RFTN1: variants seen among roughly 807,000 people sequenced by gnomAD.
RFTN1 encodes raftlin, lipid raft linker 1.
A neutral mutation model predicts 46.5 loss-of-function variants in RFTN1; 26 were observed. The ratio of observed to expected loss-of-function variants is 0.56; its 90% CI spans 0.41 to 0.78. The LOEUF (loss-of-function observed/expected upper bound fraction) is 0.78, where lower values mean the gene tolerates loss of function less well. Ranked by LOEUF, RFTN1 falls within the 30% of genes least tolerant of loss-of-function variation. RFTN1 has a pLI of 0.00. For synonymous variants in RFTN1, 261 were observed against 284.2 expected (o/e 0.92, Z 0.82); for missense variants, 693 against 718.7 (o/e 0.96, Z 0.41).
Position 16,489,514 on chromosome 3 carries a change from C to T in RFTN1, c.145+4211G>A, listed in dbSNP as rs1313019411. ...AAACTTCTGGGGCAATGGAAATGTTCTGCATCTTGATGTGATGAGGGTTTT... is the reference window on the plus strand; with the variant it reads ...AAACTTCTGGGGCAATGGAAATGTTTTGCATCTTGATGTGATGAGGGTTTT... On this transcript the variant is annotated intron_variant, in intron 2 of 9. Transcript: ENST00000334133. This position sits in a 1 kb window ranked among gnomAD's most constrained non-coding sequence, Gnocchi z 4.0. 1.3e-5 allele frequency among the ~76,000 whole-genome samples: 2 copies of T among 152,202 alleles called. No individual in the cohort carries two copies. The highest frequency in any genetic ancestry group is 4.8e-5 in the African/African-American group (2 of 41,454).
At chr3:16,368,425 A>G (rs896463336) in intron 6 of RFTN1, among the ~76,000 whole-genome samples, 4 of 152,206 alleles carry the variant, frequency 2.6e-5, no homozygotes, top group Non-Finnish European at 4.4e-5. Context: ...TAATCCCAGC[A>G]CTTTGGGAGG....
chr3:16,377,856 C>G lies in RFTN1; in HGVS notation c.688G>C (p.Glu230Gln). Residue 230 changes from glutamate (E) to glutamine (Q), a missense_variant, in exon 5 of 10, where the codon GAG becomes CAG. Physicochemically the swap from Glu to Gln is conservative, Grantham distance 29 (BLOSUM62 2). Coordinates refer to ENST00000334133, the MANE Select transcript of RFTN1 (RefSeq NM_015150.2). ...SPEPSSGPRG[E>Q]VPLAKQPSSP... is the part of the protein sequence containing the mutation. ...CTGGGCTGCTTGGCGAGGGGCACCTCCCCTCTGGGGCCTGAGCTGGGCTCT... is the reference window on the plus strand; with the variant it reads ...CTGGGCTGCTTGGCGAGGGGCACCTGCCCTCTGGGGCCTGAGCTGGGCTCT... The G allele has an allele frequency of 6.2e-7, 1 of 1,614,220 alleles. No individual in the cohort carries two copies. Among genetic ancestry groups the G allele is most frequent in the Non-Finnish European group, 8.5e-7 (1 of 1,180,042 alleles).
intron 7 of RFTN1, among the ~76,000 whole-genome samples, chr3:16,333,578 A>G (rs1385552498): frequency 1.3e-5 from 2 of 152,232 alleles, no homozygotes; most frequent in Non-Finnish European, 2.9e-5. Context: ...TTATTATTTT[A>G]ATGTTTAAAG....
chr3:16,430,104 G>GTT (rs367602281), intron 3 of RFTN1, among the ~76,000 whole-genome samples: 21 of 129,960 alleles, frequency 1.6e-4, no homozygotes, highest in Admixed American at 1.5e-3. Context: ...GAAAAAGTCC[G>GTT]TTTTTTTTTT....
Position 16,322,686 on chromosome 3 carries a change from G to T in RFTN1, c.1332+690C>A, listed in dbSNP as rs2069206681. 6.6e-6 allele frequency among the ~76,000 whole-genome samples: 1 copy of T among 152,212 alleles called. No individual in the cohort carries two copies. The highest frequency in any genetic ancestry group is 1.5e-5 in the Non-Finnish European group (1 of 68,048). ...TCTGGCACAAGGGTTGCCGACACTT[G>T]CACCTCGTACAGCCCTTGTGCTCAA... On this transcript the variant is annotated intron_variant, in intron 9 of 9. Coordinates refer to ENST00000334133, the MANE Select transcript of RFTN1 (RefSeq NM_015150.2). The surrounding 1 kb of genome is among the most constrained non-coding windows in gnomAD (Gnocchi z 6.2).
chr3:16,389,127 G>A (rs1403419954), intron 4 of RFTN1, among the ~76,000 whole-genome samples: 2 of 152,136 alleles, frequency 1.3e-5, no homozygotes, highest in African/African-American at 4.8e-5. Flanking sequence ...GATTTACATA[G>A]GCTTCCAAAG....
chr3:16,347,290 A>G (rs148436645), intron 7 of RFTN1, among the ~76,000 whole-genome samples: 4,552 of 152,332 alleles, frequency 0.03, 98 homozygotes, highest in Middle Eastern at 0.082. Flanking sequence ...TGCATGTTAT[A>G]TCCATTTTCT....
rs1341541371 is a variant in RFTN1 at position 16,452,556 on chromosome 3, A to G, written c.146-18519T>C. On this transcript the variant is annotated intron_variant, in intron 2 of 9. Transcript: ENST00000334133. This position sits in a 1 kb window ranked among gnomAD's most constrained non-coding sequence, Gnocchi z 6.3. ...TTTTCAATGAATTCACTGTGAAAAC[A>G]CAATCAGTTTTGTGTTTTAAGCTAA... Among the ~76,000 whole-genome samples, 1 of 152,266 alleles carries G rather than the reference A, an allele frequency of 6.6e-6. No individual in the cohort carries two copies. Among genetic ancestry groups the G allele is most frequent in the African/African-American group, 2.4e-5 (1 of 41,470 alleles).
intron 5 of RFTN1, among the ~76,000 whole-genome samples, chr3:16,372,352 A>C (rs1424092143): frequency 6.6e-6 from 1 of 152,192 alleles, no homozygotes; most frequent in Non-Finnish European, 1.5e-5. Context: ...ATCCCCATAA[A>C]TTGAAGGTCA....
intron 9 of RFTN1, among the ~76,000 whole-genome samples, chr3:16,319,053 C>T (rs910772026): frequency 2.0e-5 from 3 of 152,162 alleles, no homozygotes; most frequent in Admixed American, 6.5e-5. Flanking sequence ...TTCCAGGCAC[C>T]GTGTTATGGT....
chr3:16,362,954 G>T (rs1394348842), intron 6 of RFTN1, among the ~76,000 whole-genome samples: 1 of 152,082 alleles, frequency 6.6e-6, no homozygotes, highest in Non-Finnish European at 1.5e-5. Flanking sequence ...GGAAAGCTAC[G>T]GCTAGCTTGA....
rs1470492586 is a variant in RFTN1 at position 16,459,328 on chromosome 3, A to G, written c.146-25291T>C. ...CAGACACCTAAACTCTTACATGAAG[A>G]GTTATGTGCCCTAGTAGAAAACTAT... On this transcript the variant is annotated intron_variant, in intron 2 of 9. Coordinates refer to ENST00000334133, the MANE Select transcript of RFTN1 (RefSeq NM_015150.2). This position sits in a 1 kb window ranked among gnomAD's most constrained non-coding sequence, Gnocchi z 4.2. Among the ~76,000 whole-genome samples the G allele has an allele frequency of 6.6e-6, 1 of 152,226 alleles. No homozygotes were observed. Among genetic ancestry groups the G allele is most frequent in the Non-Finnish European group, 1.5e-5 (1 of 68,042 alleles).
At position 16,356,493 on chromosome 3, in the gene RFTN1, G is replaced by GC. The variant is rs35477897; in HGVS notation, c.1146+1438dup. ...CTCATCCCTGTTCAGACGCAGGTAT[G>GC]CCCCCCAACAGCCTTGCTCCTCACT... On this transcript the variant is annotated intron_variant, in intron 7 of 9. Coordinates refer to ENST00000334133, the MANE Select transcript of RFTN1 (RefSeq NM_015150.2). The surrounding 1 kb of genome is among the most constrained non-coding windows in gnomAD (Gnocchi z 4.9). 1.3e-5 allele frequency among the ~76,000 whole-genome samples: 2 copies of GC among 151,886 alleles called. No homozygotes were observed. Among genetic ancestry groups the GC allele is most frequent in the African/African-American group, 4.8e-5 (2 of 41,382 alleles).
At position 16,442,913 on chromosome 3, in the gene RFTN1, C is replaced by A. The variant is rs935583141; in HGVS notation, c.146-8876G>T. Among the ~76,000 whole-genome samples the A allele has an allele frequency of 7.2e-5, 11 of 152,314 alleles. No homozygotes were observed. In the South Asian group the frequency reaches 1.2e-3, roughly 17 times the overall value. On this transcript the variant is annotated intron_variant, in intron 2 of 9. Coordinates refer to ENST00000334133, the MANE Select transcript of RFTN1 (RefSeq NM_015150.2). This position sits in a 1 kb window ranked among gnomAD's most constrained non-coding sequence, Gnocchi z 4.1. Reference sequence around the variant, plus strand: ...CATGCTGTTGTAAATGGAGGATCATCTTCTTTTTTAAGGCTGAATAATACT... The same window carrying A: ...CATGCTGTTGTAAATGGAGGATCATATTCTTTTTTAAGGCTGAATAATACT...
intron 2 of RFTN1, among the ~76,000 whole-genome samples, chr3:16,444,723 C>A (rs2075695781): frequency 1.3e-5 from 2 of 152,188 alleles, no homozygotes; most frequent in South Asian, 2.1e-4. Flanking sequence ...AAGCACTTGG[C>A]GAGCCCACCA....
chr3:16,368,439 A>T (rs1283731306), intron 6 of RFTN1, among the ~76,000 whole-genome samples: 1 of 152,244 alleles, frequency 6.6e-6, no homozygotes, highest in African/African-American at 2.4e-5. Flanking sequence ...TGGGAGGCCA[A>T]GGCGGGTGGA....
rs2075177636 is a variant in RFTN1 at position 16,421,244 on chromosome 3, T to C, written c.333-11761A>G. ...GGCAAAATATACACTTGAAATGAGA[T>C]TCATTGTTAACATAATGGAACTATA... is the stretch of plus-strand genomic sequence containing the variant. On this transcript the variant is annotated intron_variant, in intron 3 of 9. Transcript: ENST00000334133. This position sits in a 1 kb window ranked among gnomAD's most constrained non-coding sequence, Gnocchi z 4.6. Among the ~76,000 whole-genome samples the C allele has an allele frequency of 6.6e-6, 1 of 152,134 alleles. No homozygotes were observed. The highest frequency in any genetic ancestry group is 6.5e-5 in the Admixed American group (1 of 15,272).
rs1224527810 is a variant in RFTN1, at chr3:16,457,359, C to A, written c.146-23322G>T. The stretch of plus-strand genomic sequence containing the variant: ...AAGTGACCTTGCATGAGTTCTTAAT[C>A]TTCCTCCAAGTATAAAAAGGAAGAA... On this transcript the variant is annotated intron_variant, in intron 2 of 9. Transcript: ENST00000334133. This position sits in a 1 kb window ranked among gnomAD's most constrained non-coding sequence, Gnocchi z 4.2. Among the ~76,000 whole-genome samples, 1 of 152,220 alleles carries A rather than the reference C, an allele frequency of 6.6e-6. No individual in the cohort carries two copies. The highest frequency in any genetic ancestry group is 2.4e-5 in the African/African-American group (1 of 41,458).
intron 2 of RFTN1, among the ~76,000 whole-genome samples, chr3:16,461,363 G>A (rs959669017): frequency 4.6e-5 from 7 of 152,044 alleles, no homozygotes; most frequent in Non-Finnish European, 1.0e-4. Flanking sequence ...GAATAATCAG[G>A]AATAATTATC....
Sources: allele counts gnomAD v4.1 joint callset (sites outside exome capture counted in the v4.1 genomes callset), GRCh38; gene constraint gnomAD v4.1.1; non-coding constraint Gnocchi (gnomAD v3.1); transcripts MANE v1.5; gene names NCBI Gene and HGNC (gene_info 2026-07-23, HGNC 2026-07-21).